The following DSCAM variants were observed in gnomAD, a reference collection of about 807,000 sequenced individuals.
DSCAM encodes the protein DS cell adhesion molecule, also known as cell adhesion molecule DSCAM.
In DSCAM, 47 loss-of-function variants were observed where a neutral mutation model predicts 217.7. That is an observed-to-expected ratio of 0.22 (90% confidence interval 0.17 to 0.28). DSCAM has a LOEUF of 0.28. Ranked by LOEUF, DSCAM falls within the 10% of genes least tolerant of loss-of-function variation. The pLI, the probability that DSCAM is intolerant of heterozygous loss-of-function variation, is 1.00. For synonymous variants in DSCAM, 1,056 were observed against 1,015.3 expected (o/e 1.04, Z -0.76); for missense variants, 2,080 against 2,618.3 (o/e 0.79, Z 4.49).
chr21:40,794,151 G>A (rs2091670797), intron 1 of DSCAM, among the ~76,000 whole-genome samples: 1 of 152,070 alleles, frequency 6.6e-6, no homozygotes, highest in African/African-American at 2.4e-5. Context: ...TATCGCAAAG[G>A]GATTTACATT....
chr21:40,682,939 G>C (rs1488003978), intron 3 of DSCAM, among the ~76,000 whole-genome samples: 1 of 83,694 alleles, frequency 1.2e-5, no homozygotes, highest in East Asian at 4.8e-4. Flanking sequence ...AAGTAATTAA[G>C]GTTAAATCGG....
intron 9 of DSCAM, among the ~76,000 whole-genome samples, chr21:40,299,610 TC>T (rs2073992049): frequency 6.6e-6 from 1 of 152,086 alleles, no homozygotes; most frequent in Non-Finnish European, 1.5e-5. Flanking sequence ...AGGCATATGG[TC>T]CCCTGGGGGT....
intron 3 of DSCAM, among the ~76,000 whole-genome samples, chr21:40,577,408 G>C (rs193071838): frequency 2.0e-5 from 3 of 152,104 alleles, no homozygotes; most frequent in East Asian, 2.0e-4. Context: ...GCTCTCCTCC[G>C]GAAGACGGTC....
intron 3 of DSCAM, among the ~76,000 whole-genome samples, chr21:40,445,984 T>C (rs1195437688): frequency 1.3e-5 from 2 of 152,208 alleles, no homozygotes; most frequent in Non-Finnish European, 2.9e-5. Flanking sequence ...GATGAACACA[T>C]GGCTTAATGA....
At chr21:40,476,561 G>A (rs534139544) in intron 3 of DSCAM, among the ~76,000 whole-genome samples, 149 of 152,288 alleles carry the variant, frequency 9.8e-4, no homozygotes, top group African/African-American at 2.9e-3. Flanking sequence ...CAGCTAAAAT[G>A]TTTGTGGTCT....
chr21:40,757,787 A>C (rs539506856), intron 1 of DSCAM, among the ~76,000 whole-genome samples: 16 of 152,310 alleles, frequency 1.1e-4, no homozygotes, highest in African/African-American at 3.1e-4. Context: ...TGGGCCACTA[A>C]GTTTTGGCAT....
chr21:40,264,875 A>G (rs1024556844), intron 11 of DSCAM, among the ~76,000 whole-genome samples: 5 of 152,206 alleles, frequency 3.3e-5, no homozygotes, highest in Non-Finnish European at 7.3e-5. Context: ...TAGCACTGCT[A>G]TATACCAACA....
intron 3 of DSCAM, among the ~76,000 whole-genome samples, chr21:40,445,865 A>T (rs1257084326): frequency 6.6e-6 from 1 of 152,236 alleles, no homozygotes; most frequent in Non-Finnish European, 1.5e-5. Flanking sequence ...TGGATTTTAC[A>T]GTTCACACTG....
chr21:40,258,941 T>C (rs2073410705), intron 11 of DSCAM, among the ~76,000 whole-genome samples: 1 of 152,226 alleles, frequency 6.6e-6, no homozygotes, highest in Non-Finnish European at 1.5e-5. Context: ...TGGTGTACTC[T>C]TGGGGCAAAA....
chr21:40,331,845 T>C (rs139092447), intron 8 of DSCAM, among the ~76,000 whole-genome samples: 6 of 152,342 alleles, frequency 3.9e-5, no homozygotes, highest in East Asian at 1.9e-4. Flanking sequence ...TCTGAAAGCT[T>C]GGTGCTTCTT....
intron 3 of DSCAM, among the ~76,000 whole-genome samples, chr21:40,681,896 G>A (rs2090404878): frequency 6.6e-6 from 1 of 152,166 alleles, no homozygotes; most frequent in Non-Finnish European, 1.5e-5. Context: ...AAGGACCGCA[G>A]GCAACACCAG....
At chr21:40,475,768 TTGCAGTGAGCCTAGATCG>T (rs2145976635) in intron 3 of DSCAM, among the ~76,000 whole-genome samples, 1 of 152,036 alleles carries the variant, frequency 6.6e-6, no homozygotes, top group African/African-American at 2.4e-5. Flanking sequence ...GAGGCGGAGG[TTGCAGTGAGCCTAGATCG>T]TGCCGTCGCA....
rs189977316 is a variant in DSCAM, at chr21:40,451,413, G to A, written c.509-82168C>T. On this transcript the variant is annotated intron_variant, in intron 3 of 32. Transcript: ENST00000400454. ...AATGGTTATGAAAGGTAACAGACTTGGGGTAGTAAAGAAATTTCCACATCA... is the reference window on the plus strand; with the variant it reads ...AATGGTTATGAAAGGTAACAGACTTAGGGTAGTAAAGAAATTTCCACATCA... 5.0e-4 allele frequency among the ~76,000 whole-genome samples: 76 copies of A among 152,242 alleles called. 1 individual carries two copies. Among genetic ancestry groups the A allele is most frequent in the South Asian group, 1.0e-3 (5 of 4,820 alleles).
At position 40,547,077 on chromosome 21, in the gene DSCAM, C is replaced by G. The variant is rs151021605; in HGVS notation, c.508+145733G>C. The stretch of plus-strand genomic sequence containing the variant: ...AAGACAGAGCCAAGAGCAGCCCAAC[C>G]TTGGTCATGGGGAATCCTCACCGTC... On this transcript the variant is annotated intron_variant, in intron 3 of 32. Coordinates refer to ENST00000400454, the MANE Select transcript of DSCAM (RefSeq NM_001389.5). 9.4e-3 allele frequency among the ~76,000 whole-genome samples: 1,437 copies of G among 152,272 alleles called. 25 individuals are homozygous for G. Among genetic ancestry groups the G allele is most frequent in the African/African-American group, 0.032 (1,349 of 41,556 alleles).
At chr21:40,240,185 G>C (rs1050716758) in intron 11 of DSCAM, among the ~76,000 whole-genome samples, 11 of 152,040 alleles carry the variant, frequency 7.2e-5, no homozygotes, top group Non-Finnish European at 1.5e-4. Context: ...ACAACCACAG[G>C]AGGAAGCCCT....
chr21:40,216,987 T>A (rs1307476464), intron 11 of DSCAM, among the ~76,000 whole-genome samples: 1 of 152,164 alleles, frequency 6.6e-6, no homozygotes, highest in African/African-American at 2.4e-5. Context: ...CAACTAATGA[T>A]TCCATTCCCA....
intron 3 of DSCAM, among the ~76,000 whole-genome samples, chr21:40,680,206 C>A (rs1024002729): frequency 6.6e-6 from 1 of 152,048 alleles, no homozygotes; most frequent in African/African-American, 2.4e-5. Context: ...TAACTTGGTC[C>A]AGGTTGAATA....
At chr21:40,261,650 TCTAC>T (rs764730696) in intron 11 of DSCAM, among the ~76,000 whole-genome samples, 192 of 112,678 alleles carry the variant, frequency 1.7e-3, no homozygotes, top group African/African-American at 4.5e-3. Flanking sequence ...TCTCTCTCTC[TCTAC>T]ACACACACAC....
At chr21:40,360,453 A>G (rs926552355) in intron 4 of DSCAM, among the ~76,000 whole-genome samples, 4 of 151,382 alleles carry the variant, frequency 2.6e-5, no homozygotes, top group Non-Finnish European at 5.9e-5. Flanking sequence ...TAGCTTTTTA[A>G]CCTAAACTCT....
Sources: gnomAD v4.1 joint callset for allele counts (sites outside exome capture counted in the v4.1 genomes callset) on GRCh38, gnomAD v4.1.1 for gene constraint, MANE v1.5 for transcripts, NCBI Gene and HGNC (gene_info 2026-07-23, HGNC 2026-07-21) for gene names.